Variants in ADGRL4 observed in about 807,000 individuals in gnomAD.
ADGRL4 encodes the protein adhesion G protein-coupled receptor L4, also known as EGF, latrophilin and seven transmembrane domain containing 1.
Under a neutral mutation model 74.8 loss-of-function variants are expected in ADGRL4, and 90 were observed. The observed-to-expected ratio is 1.20, with a 90% CI of 1.02 to 1.43. ADGRL4 has a LOEUF of 1.43. Ranked by LOEUF, ADGRL4 falls within the 40% of genes most tolerant of loss-of-function variation. The probability of loss-of-function intolerance (pLI) is 0.00; values close to 1 mark genes in which losing one functional copy is unlikely to be tolerated. For synonymous variants in ADGRL4, 311 were observed against 279.2 expected, an observed-to-expected ratio of 1.11 and a Z score of -1.14; for missense variants, 881 against 814.3, an observed-to-expected ratio of 1.08 and a Z score of -1.00.
intron 2 of ADGRL4, among the ~76,000 whole-genome samples, chr1:78,969,126 T>G (rs377115597): frequency 2.0e-5 from 3 of 152,210 alleles, no homozygotes; most frequent in Non-Finnish European, 1.5e-5. Flanking sequence ...GGTATATTCC[T>G]GTGAACAAAA....
At chr1:78,972,024 A>G (rs142144437) in intron 2 of ADGRL4, among the ~76,000 whole-genome samples, 2,272 of 152,234 alleles carry the variant, frequency 0.015, 57 homozygotes, top group African/African-American at 0.052. Context: ...CAAAGTACTG[A>G]GATTACAGGT....
chr1:78,908,133 T>A (rs1381468271), intron 12 of ADGRL4, among the ~76,000 whole-genome samples: 1 of 151,968 alleles, frequency 6.6e-6, no homozygotes, highest in East Asian at 1.9e-4. Flanking sequence ...AGTTTAAATA[T>A]CTTCAGTTGT....
At position 78,891,712 on chromosome 1, in the gene ADGRL4, C is replaced by T. The variant is rs749242890; in HGVS notation, c.1842-20G>A. The stretch of plus-strand genomic sequence containing the variant: ...CAAGACCTATCACATATGAGAAATG[C>T]GTCAGTGAAGAAAGCTACGTATAGT... On this transcript the variant is annotated intron_variant, in intron 13 of 14. Transcript: ENST00000370742. 1.8e-5 allele frequency: 28 copies of T among 1,592,722 alleles called. No homozygotes were observed. The highest frequency in any genetic ancestry group is 4.6e-5 in the South Asian group (4 of 87,408).
intron 12 of ADGRL4, among the ~76,000 whole-genome samples, chr1:78,913,244 C>T (rs1044976984): frequency 6.6e-5 from 10 of 151,804 alleles, no homozygotes; most frequent in Admixed American, 5.9e-4. Flanking sequence ...CCTCAAAGAC[C>T]TAAAAACAGA....
intron 12 of ADGRL4, among the ~76,000 whole-genome samples, chr1:78,915,006 A>G (rs1302647363): frequency 6.6e-6 from 1 of 151,878 alleles, no homozygotes; most frequent in Non-Finnish European, 1.5e-5. Flanking sequence ...GGTCTCTTCT[A>G]TTCTTCAAAG....
chr1:78,897,512 C>T (rs996069497), intron 12 of ADGRL4, among the ~76,000 whole-genome samples: 6 of 152,056 alleles, frequency 3.9e-5, no homozygotes, highest in Non-Finnish European at 2.9e-5. Context: ...TGCACCTTGG[C>T]TATAAATCCC....
At chr1:78,931,837 G>A (rs1649248613) in intron 7 of ADGRL4, among the ~76,000 whole-genome samples, 1 of 151,054 alleles carries the variant, frequency 6.6e-6, no homozygotes, top group South Asian at 2.1e-4. Flanking sequence ...GACAAAGAAG[G>A]GCATTATATA....
chr1:78,898,251 T>A (rs1023563601), intron 12 of ADGRL4, among the ~76,000 whole-genome samples: 4 of 152,178 alleles, frequency 2.6e-5, no homozygotes, highest in African/African-American at 9.6e-5. Context: ...ATCAGCACTA[T>A]GTTTATATGG....
At position 78,990,082 on chromosome 1, in the gene ADGRL4, C is replaced by A. The variant is rs189521627; in HGVS notation, c.172+14988G>T. 1.5e-3 allele frequency among the ~76,000 whole-genome samples: 221 copies of A among 151,942 alleles called. 3 individuals carry two copies. Among genetic ancestry groups the A allele is most frequent in the African/African-American group, 5.2e-3 (216 of 41,520 alleles). ...AATCATCAATATTTCATTTCTGAAT[C>A]AAAAAAGCTGAGGATCCTTTTTACC... On this transcript the variant is annotated intron_variant, in intron 2 of 14. Coordinates refer to ENST00000370742, the MANE Select transcript of ADGRL4 (RefSeq NM_022159.4).
intron 2 of ADGRL4, among the ~76,000 whole-genome samples, chr1:78,951,373 G>A (rs1649718618): frequency 6.6e-6 from 1 of 152,130 alleles, no homozygotes; most frequent in African/African-American, 2.4e-5. Context: ...TTTTCTTTCA[G>A]CATTACCAGA....
intron 7 of ADGRL4, among the ~76,000 whole-genome samples, chr1:78,935,475 A>G (rs1570239900): frequency 6.6e-6 from 1 of 152,048 alleles, no homozygotes; most frequent in Admixed American, 6.6e-5. Context: ...TGGCTCACGT[A>G]TAACTGTGTA....
intron 2 of ADGRL4, among the ~76,000 whole-genome samples, chr1:78,948,958 C>T (rs546784092): frequency 6.6e-6 from 1 of 152,162 alleles, no homozygotes; most frequent in East Asian, 1.9e-4. Context: ...AACACAGAAG[C>T]ATATAATTGA....
chr1:78,977,902 A>G (rs911477238), intron 2 of ADGRL4, among the ~76,000 whole-genome samples: 5 of 151,952 alleles, frequency 3.3e-5, no homozygotes, highest in Admixed American at 6.6e-5. Flanking sequence ...TACTAGCAAA[A>G]GAGTATAGGC....
intron 2 of ADGRL4, among the ~76,000 whole-genome samples, chr1:78,966,158 A>G (rs1374036563): frequency 1.3e-5 from 2 of 152,108 alleles, no homozygotes; most frequent in East Asian, 1.9e-4. Context: ...CAGCCTGTAC[A>G]CTGTGGTGGA....
At chr1:78,983,400 C>T (rs1184162284) in intron 2 of ADGRL4, among the ~76,000 whole-genome samples, 4 of 150,070 alleles carry the variant, frequency 2.7e-5, no homozygotes, top group African/African-American at 2.5e-5. Flanking sequence ...CTACAAGGTT[C>T]TATTAAAAAA....
chr1:78,937,101 G>C (rs1649369965), intron 6 of ADGRL4, among the ~76,000 whole-genome samples: 1 of 152,164 alleles, frequency 6.6e-6, no homozygotes, highest in Non-Finnish European at 1.5e-5. Flanking sequence ...TTGCTATGTT[G>C]ATTGCTTTAT....
At chr1:78,947,117 C>A (rs1326063494) in intron 2 of ADGRL4, among the ~76,000 whole-genome samples, 2 of 152,100 alleles carry the variant, frequency 1.3e-5, no homozygotes, top group Non-Finnish European at 2.9e-5. Context: ...AAAATATGTG[C>A]TTCTCAGAGA....
At chr1:78,956,242 C>T (rs984080149) in intron 2 of ADGRL4, among the ~76,000 whole-genome samples, 5 of 152,098 alleles carry the variant, frequency 3.3e-5, no homozygotes, top group African/African-American at 7.2e-5. Context: ...CTTGGTATAG[C>T]GCTGTAAACT....
In ADGRL4 at chr1:78,917,559, C is replaced by T. The variant is rs1054931245; in HGVS notation, c.1749+75G>A. On this transcript the variant is annotated intron_variant, in intron 12 of 14. Transcript: ENST00000370742. ...AAATTCTTCTTTTTTAGAATAACACCTTATTGCTGGAAATTTTAAGCACCC... is the reference window on the plus strand; with the variant it reads ...AAATTCTTCTTTTTTAGAATAACACTTTATTGCTGGAAATTTTAAGCACCC... 14 of 887,358 alleles carry T rather than the reference C, an allele frequency of 1.6e-5. No homozygotes were observed. In the South Asian group the frequency reaches 1.7e-4, roughly 10 times the overall value. The allele number at this position is 887,358 out of a possible 1,614,324, so 55.0% of individuals were successfully genotyped here.
Sources: gnomAD v4.1 joint callset for allele counts (sites outside exome capture counted in the v4.1 genomes callset) on GRCh38, gnomAD v4.1.1 for gene constraint, MANE v1.5 for transcripts, NCBI Gene and HGNC (gene_info 2026-07-23, HGNC 2026-07-21) for gene names.